ZNF521: variants seen among roughly 807,000 people sequenced by gnomAD.
The protein encoded by ZNF521 is zinc finger protein 521, also known as LYST-interacting protein 3.
A neutral mutation model predicts 105.5 loss-of-function variants in ZNF521; 14 were observed. That is an observed-to-expected ratio of 0.13 (90% CI 0.09 to 0.21). ZNF521 has a LOEUF of 0.21. ZNF521 is among the 10% of genes least tolerant of loss of function. The probability of loss-of-function intolerance (pLI) is 1.00; values close to 1 mark genes in which losing one functional copy is unlikely to be tolerated. For synonymous variants in ZNF521, 635 were observed against 606.0 expected (o/e 1.05, Z -0.70); for missense variants, 1,233 against 1,629.7 (o/e 0.76, Z 4.19).
intron 2 of ZNF521, among the ~76,000 whole-genome samples, chr18:25,326,874 C>A (rs545699646): frequency 9.2e-5 from 14 of 152,256 alleles, no homozygotes; most frequent in Middle Eastern, 3.4e-3. Context: ...AAAACTGGAC[C>A]ACTTCCTAAC....
intron 3 of ZNF521, among the ~76,000 whole-genome samples, chr18:25,267,057 G>C (rs1435250876): frequency 6.6e-6 from 1 of 152,092 alleles, no homozygotes; most frequent in East Asian, 1.9e-4. Context: ...CACAGCAGTC[G>C]AAGGTTGACC....
intron 2 of ZNF521, among the ~76,000 whole-genome samples, chr18:25,343,606 T>C (rs1175979420): frequency 1.3e-5 from 2 of 152,176 alleles, no homozygotes; most frequent in Non-Finnish European, 2.9e-5. Context: ...CTTGCTCAGA[T>C]TGGGAGAGCT....
chr18:25,083,595 C>T (rs2033550989), intron 7 of ZNF521, among the ~76,000 whole-genome samples: 2 of 152,182 alleles, frequency 1.3e-5, no homozygotes, highest in African/African-American at 2.4e-5. Context: ...AGATTTATAA[C>T]AATTGATTAC....
At position 25,062,666 on chromosome 18, in the gene ZNF521, CT is replaced by C; in HGVS notation, c.*45del. On this transcript the variant is annotated 3_prime_UTR_variant, in exon 8 of 8. Coordinates refer to ENST00000361524, the MANE Select transcript of ZNF521 (RefSeq NM_015461.3). ...TCGTGCAAAGAGTAAAACATGTTCC[CT>C]TTTTGTGCCACAAAATCAATTCTCC... 2 of 1,534,512 alleles carry C rather than the reference CT, an allele frequency of 1.3e-6. No homozygotes were observed. Among genetic ancestry groups the C allele is most frequent in the East Asian group, 2.5e-5 (1 of 40,062 alleles).
chr18:25,115,694 A>C (rs766309910), intron 5 of ZNF521, among the ~76,000 whole-genome samples: 1 of 152,198 alleles, frequency 6.6e-6, no homozygotes, highest in Non-Finnish European at 1.5e-5. Context: ...TACAGTCTCC[A>C]TTACATACTT....
chr18:25,221,287 G>A (rs1488610542), intron 4 of ZNF521, among the ~76,000 whole-genome samples: 1 of 152,130 alleles, frequency 6.6e-6, no homozygotes, highest in Non-Finnish European at 1.5e-5. Flanking sequence ...AGTGTTGCAT[G>A]CCTTGTCTTT....
At chr18:25,298,822 A>G (rs1485876367) in intron 3 of ZNF521, among the ~76,000 whole-genome samples, 2 of 152,214 alleles carry the variant, frequency 1.3e-5, no homozygotes, top group Non-Finnish European at 2.9e-5. Flanking sequence ...TAGTAACTGT[A>G]ACTAACACAC....
chr18:25,142,738 C>T (rs1398826818), intron 5 of ZNF521, among the ~76,000 whole-genome samples: 1 of 130,698 alleles, frequency 7.7e-6, no homozygotes, highest in Non-Finnish European at 1.6e-5. Context: ...TTTCATAGAT[C>T]CTGTACATTC....
At chr18:25,171,289 C>T (rs1472549809) in intron 5 of ZNF521, among the ~76,000 whole-genome samples, 3 of 152,028 alleles carry the variant, frequency 2.0e-5, no homozygotes, top group African/African-American at 7.2e-5. Context: ...GAATGGATTC[C>T]CTTTTGTATA....
intron 4 of ZNF521, among the ~76,000 whole-genome samples, chr18:25,220,009 G>C: frequency 6.6e-6 from 1 of 152,130 alleles, no homozygotes; most frequent in South Asian, 2.1e-4. Context: ...ACACTATTTG[G>C]AGAGCGGTCA....
intron 2 of ZNF521, among the ~76,000 whole-genome samples, chr18:25,323,829 T>G (rs755448343): frequency 6.6e-6 from 1 of 151,988 alleles, no homozygotes; most frequent in Non-Finnish European, 1.5e-5. Flanking sequence ...TTCCTTCACA[T>G]CTTCAATAAA....
At chr18:25,195,442 G>A (rs756648936) in intron 4 of ZNF521, among the ~76,000 whole-genome samples, 198 bp from the exon 5 acceptor site, 3 of 151,622 alleles carry the variant, frequency 2.0e-5, no homozygotes, top group Non-Finnish European at 4.4e-5. Flanking sequence ...ATTTTCATTT[G>A]CAGACATTTA....
intron 2 of ZNF521, among the ~76,000 whole-genome samples, chr18:25,341,611 T>C (rs530782023): frequency 6.6e-6 from 1 of 152,294 alleles, no homozygotes; most frequent in Admixed American, 6.5e-5. Flanking sequence ...TCCCTTTAGA[T>C]TATAAGAGAA....
chr18:25,351,122 C>A (rs1230325529), intron 1 of ZNF521, 175 bp from the exon 2 acceptor site: 28 of 199,746 alleles, frequency 1.4e-4, no homozygotes, highest in Non-Finnish European at 2.1e-4. Flanking sequence ...GCGCGGGGCT[C>A]GCGGCTGCCC....
chr18:25,349,202 T>A (rs1357982897), intron 2 of ZNF521, among the ~76,000 whole-genome samples: 1 of 152,144 alleles, frequency 6.6e-6, no homozygotes, highest in African/African-American at 2.4e-5. Flanking sequence ...AGGAAGAGGT[T>A]TGTCCTGGTA....
At chr18:25,346,728 A>T (rs942221530) in intron 2 of ZNF521, among the ~76,000 whole-genome samples, 18 of 152,244 alleles carry the variant, frequency 1.2e-4, no homozygotes, top group Non-Finnish European at 1.9e-4. Context: ...ACAAAGGGTT[A>T]GCTACTGTGA....
chr18:25,224,305 TGAG>T (rs1483995906), intron 4 of ZNF521, 37 bp downstream of exon 4: 1 of 1,540,268 alleles, frequency 6.5e-7, no homozygotes, highest in East Asian at 2.3e-5. Flanking sequence ...GACCGTTTCT[TGAG>T]GAGGTTAAAT....
chr18:25,282,383 G>A (rs1337757298), intron 3 of ZNF521, among the ~76,000 whole-genome samples: 3 of 152,156 alleles, frequency 2.0e-5, no homozygotes, highest in Non-Finnish European at 4.4e-5. Context: ...AGTGCGTCGG[G>A]CCACTAGACC....
chr18:25,324,671 T>C (rs1177501992), intron 2 of ZNF521, among the ~76,000 whole-genome samples: 5 of 152,222 alleles, frequency 3.3e-5, no homozygotes, highest in African/African-American at 1.2e-4. Context: ...ATTATTTAAA[T>C]GCTACACATC....
Sources: gnomAD v4.1 joint callset for allele counts (sites outside exome capture counted in the v4.1 genomes callset) on GRCh38, gnomAD v4.1.1 for gene constraint, MANE v1.5 for transcripts, NCBI Gene and HGNC (gene_info 2026-07-23, HGNC 2026-07-21) for gene names.